Variants in RPS6KC1 observed in about 807,000 individuals in gnomAD.
RPS6KC1 encodes the protein ribosomal protein S6 kinase C1, also known as inactive ribosomal protein S6 kinase delta-1.
RPS6KC1 carries 54 observed loss-of-function variants against 103.8 expected under a neutral mutation model. That is an observed-to-expected ratio of 0.52 (90% CI 0.42 to 0.65). RPS6KC1 has a LOEUF of 0.65. Among genes scored for constraint, RPS6KC1 ranks in the 30% least tolerant of loss-of-function variants. The pLI is 0.00. For synonymous variants in RPS6KC1, 439 were observed against 438.7 expected, an observed-to-expected ratio of 1.00 and a Z score of -0.01; for missense variants, 1,151 against 1,253.8, an observed-to-expected ratio of 0.92 and a Z score of 1.24.
chr1:213,772,847 C>T, the RPS6KC1 span, among the ~76,000 whole-genome samples: 1 of 152,158 alleles, frequency 6.6e-6, no homozygotes, highest in South Asian at 2.1e-4. Context: ...TATCCAAGGG[C>T]CAACTGGTTT....
the RPS6KC1 span, among the ~76,000 whole-genome samples, chr1:213,379,197 T>C: frequency 2.0e-5 from 3 of 152,114 alleles, no homozygotes; most frequent in Non-Finnish European, 4.4e-5. Flanking sequence ...TTGTTATAGA[T>C]TGAATTCTGT....
chr1:213,312,552 C>T, the RPS6KC1 span, among the ~76,000 whole-genome samples: 1 of 152,124 alleles, frequency 6.6e-6, no homozygotes, highest in Admixed American at 6.5e-5. Flanking sequence ...CATCTCCTGC[C>T]CTTGGCTCAG....
chr1:213,450,199 C>A, the RPS6KC1 span, among the ~76,000 whole-genome samples: 777 of 152,228 alleles, frequency 5.1e-3, 8 homozygotes, highest in African/African-American at 0.017. Flanking sequence ...AATATGTGTT[C>A]ATTATTACTG....
chr1:213,185,789 TTG>T (rs1374555335), intron 8 of RPS6KC1, among the ~76,000 whole-genome samples: 1 of 152,096 alleles, frequency 6.6e-6, no homozygotes, highest in Non-Finnish European at 1.5e-5. Context: ...TTGTCTTCCT[TTG>T]TGGTTCTGTC....
At chr1:213,401,948 G>A in the RPS6KC1 span, among the ~76,000 whole-genome samples, 6 of 152,058 alleles carry the variant, frequency 3.9e-5, no homozygotes, top group Admixed American at 2.6e-4. Context: ...CACCATGCTT[G>A]GCTGATTTTT....
chr1:213,726,801 G>C, the RPS6KC1 span, among the ~76,000 whole-genome samples: 1 of 152,154 alleles, frequency 6.6e-6, no homozygotes, highest in African/African-American at 2.4e-5. Context: ...ATGAATGTAG[G>C]TTTTCAGAAC....
the RPS6KC1 span, among the ~76,000 whole-genome samples, chr1:213,286,333 C>T: frequency 5.4e-4 from 82 of 152,276 alleles, no homozygotes; most frequent in Middle Eastern, 6.8e-3. Context: ...GGAGCAATAA[C>T]TGTGGTGCAG....
chr1:213,164,983 G>A (rs2090822143), intron 6 of RPS6KC1, among the ~76,000 whole-genome samples: 1 of 152,154 alleles, frequency 6.6e-6, no homozygotes. Flanking sequence ...AATCAAGCAG[G>A]TTAGAGTTAA....
At chr1:213,632,183 GT>G in the RPS6KC1 span, among the ~76,000 whole-genome samples, 10 of 152,152 alleles carry the variant, frequency 6.6e-5, no homozygotes, top group Non-Finnish European at 1.3e-4. Context: ...GGGTGTTTCA[GT>G]TTTTTGAAAT....
the RPS6KC1 span, among the ~76,000 whole-genome samples, chr1:213,739,679 A>G: frequency 6.6e-6 from 1 of 152,136 alleles, no homozygotes; most frequent in African/African-American, 2.4e-5. Context: ...ATGGCATGAC[A>G]CTTCTTACTC....
chr1:213,163,969 C>T (rs985936958), intron 6 of RPS6KC1, among the ~76,000 whole-genome samples: 4 of 152,106 alleles, frequency 2.6e-5, no homozygotes, highest in African/African-American at 9.7e-5. Context: ...CTGTATTTTT[C>T]TTGTCCTACT....
chr1:213,361,713 C>T, the RPS6KC1 span, among the ~76,000 whole-genome samples: 1,566 of 152,350 alleles, frequency 0.01, 27 homozygotes, highest in African/African-American at 0.036. Context: ...ATTGCTCACT[C>T]GGCCACATAC....
At chr1:213,511,592 A>G in the RPS6KC1 span, among the ~76,000 whole-genome samples, 1 of 152,198 alleles carries the variant, frequency 6.6e-6, no homozygotes, top group Admixed American at 6.5e-5. Flanking sequence ...CAAAGTCACA[A>G]TAAGGCCGGT....
the RPS6KC1 span, among the ~76,000 whole-genome samples, chr1:213,551,919 C>A: frequency 1.3e-5 from 2 of 152,332 alleles, no homozygotes; most frequent in South Asian, 4.1e-4. Flanking sequence ...CATAGTTATG[C>A]TTTGTCCAGA....
chr1:213,071,122 AT>A, intron 2 of RPS6KC1, 81 bp downstream of exon 2: 1 of 813,224 alleles, frequency 1.2e-6, no homozygotes, highest in Non-Finnish European at 1.9e-6. Context: ...TGCCTGAATC[AT>A]TTGTACATCA....
the RPS6KC1 span, among the ~76,000 whole-genome samples, chr1:213,531,134 C>A: frequency 2.0e-5 from 3 of 152,130 alleles, no homozygotes; most frequent in African/African-American, 7.2e-5. Flanking sequence ...CATGGTAATG[C>A]AGAGATCGAA....
the RPS6KC1 span, among the ~76,000 whole-genome samples, chr1:213,608,088 T>C: frequency 6.6e-6 from 1 of 152,172 alleles, no homozygotes; most frequent in East Asian, 1.9e-4. Context: ...TGGGCTAAGT[T>C]TGTCAACTCT....
chr1:213,227,052 A>G (rs1008597058), intron 8 of RPS6KC1, among the ~76,000 whole-genome samples: 3 of 152,206 alleles, frequency 2.0e-5, no homozygotes, highest in East Asian at 1.9e-4. Context: ...AGAGAGTACA[A>G]TCAGTTTTAT....
chr1:213,104,591 A>G, intron 4 of RPS6KC1, 22 bp downstream of exon 4: 3 of 1,277,508 alleles, frequency 2.3e-6, no homozygotes, highest in Non-Finnish European at 3.3e-6. Flanking sequence ...TTTCTGGAAT[A>G]TTTTATATCT....
Sources: allele counts gnomAD v4.1 joint callset (sites outside exome capture counted in the v4.1 genomes callset), GRCh38; gene constraint gnomAD v4.1.1; transcripts MANE v1.5; gene names NCBI Gene and HGNC (gene_info 2026-07-23, HGNC 2026-07-21).